The following DLGAP4 variants were observed in gnomAD, a reference collection of about 807,000 sequenced individuals.
The protein encoded by DLGAP4 is disks large-associated protein 4.
In DLGAP4, 18 loss-of-function variants were observed where a neutral mutation model predicts 86.9. The ratio of observed to expected loss-of-function variants is 0.21; its 90% CI spans 0.14 to 0.31. The LOEUF is 0.31. Ranked by LOEUF, DLGAP4 falls within the 10% of genes least tolerant of loss-of-function variation. DLGAP4 has a pLI of 1.00. For missense variants in DLGAP4, 1,085 were observed against 1,362.6 expected, an observed-to-expected ratio of 0.80 and a Z score of 3.21; for synonymous variants, 548 against 574.3, an observed-to-expected ratio of 0.95 and a Z score of 0.65.
intron 7 of DLGAP4, among the ~76,000 whole-genome samples, chr20:36,494,733 C>T (rs2147757901): frequency 6.6e-6 from 1 of 152,298 alleles, no homozygotes; most frequent in Non-Finnish European, 1.5e-5. Flanking sequence ...ATAGCCACAC[C>T]TACTTCCCTC....
At chr20:36,484,568 T>C (rs1158556461) in intron 7 of DLGAP4, among the ~76,000 whole-genome samples, 1 of 152,258 alleles carries the variant, frequency 6.6e-6, no homozygotes, top group Non-Finnish European at 1.5e-5. Context: ...ACCTGTGTCC[T>C]GGTGCCAAGA....
At chr20:36,467,063 TCCC>T (rs562510099) in intron 7 of DLGAP4, among the ~76,000 whole-genome samples, 1 of 39,384 alleles carries the variant, frequency 2.5e-5, no homozygotes, top group Non-Finnish European at 5.2e-5. Context: ...TCTCTCTCTC[TCCC>T]CCCCCCTTCT....
intron 6 of DLGAP4, among the ~76,000 whole-genome samples, chr20:36,444,498 A>G (rs1185488169): frequency 1.3e-5 from 2 of 151,274 alleles, no homozygotes; most frequent in African/African-American, 4.9e-5. Context: ...CTGGTCTCAA[A>G]CTCCCGAACA....
chr20:36,369,832 T>C (rs1324305964), intron 2 of DLGAP4, among the ~76,000 whole-genome samples: 1 of 152,220 alleles, frequency 6.6e-6, no homozygotes, highest in Admixed American at 6.5e-5. Flanking sequence ...TAGCTAATGT[T>C]TATTGAGCAC....
chr20:36,500,301 G>C lies in DLGAP4; in HGVS notation c.2202G>C (p.Pro734=). Reference sequence around the variant, plus strand: ...GTAAGTCATCTGAGAGGAGCCTCCCGGACTGTACCCCTCACCCCAACTCCA... The same window carrying C: ...GTAAGTCATCTGAGAGGAGCCTCCCCGACTGTACCCCTCACCCCAACTCCA... ...SSCKSSERSL[P]DCTPHPNSIS... Residue 734 remains proline, a synonymous_variant, in exon 10 of 13, where the codon CCG becomes CCC. Transcript: ENST00000339266. The surrounding 1 kb of genome is among the most constrained non-coding windows in gnomAD (Gnocchi z 4.6). 2 of 1,613,848 alleles carry C rather than the reference G, an allele frequency of 1.2e-6. No individual in the cohort carries two copies. The highest frequency in any genetic ancestry group is 2.2e-5 in the South Asian group (2 of 91,034).
intron 7 of DLGAP4, among the ~76,000 whole-genome samples, chr20:36,450,936 C>G (rs958345881): frequency 6.6e-6 from 1 of 152,222 alleles, no homozygotes; most frequent in African/African-American, 2.4e-5. Context: ...TTCTAGTCTA[C>G]TGTTCTCCAC....
At chr20:36,379,323 G>T (rs1177632393) in intron 2 of DLGAP4, among the ~76,000 whole-genome samples, 2 of 152,206 alleles carry the variant, frequency 1.3e-5, no homozygotes, top group African/African-American at 4.8e-5. Flanking sequence ...GTGGGTGCGG[G>T]ATCCTGTCAG....
At chr20:36,413,714 C>T (rs373991341) in intron 2 of DLGAP4, among the ~76,000 whole-genome samples, 2 of 152,124 alleles carry the variant, frequency 1.3e-5, no homozygotes, top group Admixed American at 6.5e-5. Flanking sequence ...CCACCGCGCC[C>T]GGCCTATTCT....
intron 7 of DLGAP4, among the ~76,000 whole-genome samples, chr20:36,488,852 G>A (rs531876494): frequency 9.5e-4 from 144 of 152,316 alleles, no homozygotes; most frequent in Non-Finnish European, 1.7e-3. Context: ...GATTACAGGC[G>A]TGAGCCACTG....
At chr20:36,417,848 A>G (rs1029069121) in intron 2 of DLGAP4, among the ~76,000 whole-genome samples, 2 of 151,890 alleles carry the variant, frequency 1.3e-5, no homozygotes, top group Non-Finnish European at 2.9e-5. Flanking sequence ...GCAGTGGCAC[A>G]ATCTCAGCTC....
chr20:36,310,273 A>G (rs2065043029), intron 1 of DLGAP4, among the ~76,000 whole-genome samples: 1 of 151,882 alleles, frequency 6.6e-6, no homozygotes, highest in South Asian at 2.1e-4. Flanking sequence ...AAAGGCAGGA[A>G]GGCAGCCACA....
rs1392814940 is a variant in DLGAP4, at chr20:36,431,491, C to T, written c.-72-155C>T. Among the ~76,000 whole-genome samples the T allele has an allele frequency of 4.3e-4, 65 of 152,212 alleles. 1 individual carries two copies. The highest frequency in any genetic ancestry group is 2.9e-5 in the Non-Finnish European group (2 of 67,990). Reference sequence around the variant, plus strand: ...GTAACTTTTATTTATACACAGAGTACGTGGGCCTCGGTGTGTACTCCTGTC... The same window carrying T: ...GTAACTTTTATTTATACACAGAGTATGTGGGCCTCGGTGTGTACTCCTGTC... On this transcript the variant is annotated intron_variant, in intron 2 of 12. Coordinates refer to ENST00000339266, the MANE Select transcript of DLGAP4 (RefSeq NM_001365621.2). This position sits in a 1 kb window ranked among gnomAD's most constrained non-coding sequence, Gnocchi z 5.1.
intron 2 of DLGAP4, among the ~76,000 whole-genome samples, chr20:36,391,205 A>G (rs1223294896): frequency 6.6e-6 from 1 of 152,076 alleles, no homozygotes; most frequent in Non-Finnish European, 1.5e-5. Flanking sequence ...GGGGACCTAT[A>G]GCCGTGGGAG....
intron 2 of DLGAP4, among the ~76,000 whole-genome samples, chr20:36,379,160 ACTGGAGCTGGCCCTG>A (rs986530428): frequency 6.6e-6 from 1 of 152,300 alleles, no homozygotes. Flanking sequence ...TCAAGCACAC[ACTGGAGCTGGCCCTG>A]CAAATGCTGG....
chr20:36,323,025 A>G (rs2065183937), intron 1 of DLGAP4, among the ~76,000 whole-genome samples: 1 of 151,530 alleles, frequency 6.6e-6, no homozygotes, highest in Non-Finnish European at 1.5e-5. Flanking sequence ...AGATACAAAC[A>G]CTAGCTGGGC....
chr20:36,395,962 G>T (rs1247026164), intron 2 of DLGAP4, among the ~76,000 whole-genome samples: 1 of 152,158 alleles, frequency 6.6e-6, no homozygotes, highest in Non-Finnish European at 1.5e-5. Flanking sequence ...AGGTCCCTGA[G>T]ACTGGCTGGG....
chr20:36,419,453 A>T (rs1209962226), intron 2 of DLGAP4, among the ~76,000 whole-genome samples: 3 of 152,080 alleles, frequency 2.0e-5, no homozygotes, highest in Non-Finnish European at 2.9e-5. Context: ...TGCATAGTAA[A>T]TCACCCCAAA....
intron 2 of DLGAP4, among the ~76,000 whole-genome samples, chr20:36,391,886 G>A (rs1336383051): frequency 6.6e-6 from 1 of 152,226 alleles, no homozygotes. Context: ...AGTTCCTGAA[G>A]GTGCACCATC....
rs115468608 is a variant in DLGAP4, at chr20:36,338,283, C to T, written c.-303-28762C>T. Among the ~76,000 whole-genome samples, 1,216 of 152,274 alleles carry T rather than the reference C, an allele frequency of 8.0e-3. 17 individuals are homozygous for T. The highest frequency in any genetic ancestry group is 0.028 in the African/African-American group (1,171 of 41,558). ...GGAATGGTAGTAAGAAACACCATGC[C>T]GGGCCCATTGGCTCACGCCTGTAAT... is the stretch of plus-strand genomic sequence containing the variant. On this transcript the variant is annotated intron_variant, in intron 1 of 12. Coordinates refer to ENST00000339266, the MANE Select transcript of DLGAP4 (RefSeq NM_001365621.2).
Sources: gnomAD v4.1 joint callset for allele counts (sites outside exome capture counted in the v4.1 genomes callset) on GRCh38, gnomAD v4.1.1 for gene constraint, Gnocchi (gnomAD v3.1) non-coding constraint, MANE v1.5 for transcripts, NCBI Gene and HGNC (gene_info 2026-07-23, HGNC 2026-07-21) for gene names.